Variants in CPQ observed in about 807,000 individuals in gnomAD.
The protein encoded by CPQ is carboxypeptidase Q, also known as Ser-Met dipeptidase.
In CPQ, 37 loss-of-function variants were observed where a neutral mutation model predicts 45.7. The observed-to-expected ratio is 0.81, with a 90% CI of 0.62 to 1.07. The LOEUF is 1.07. CPQ is among the 50% of genes least tolerant of loss of function. CPQ has a pLI of 0.00. For missense variants in CPQ, 537 were observed against 572.9 expected (o/e 0.94, Z 0.64); for synonymous variants, 186 against 205.8 (o/e 0.90, Z 0.82).
At chr8:96,908,703 G>A (rs184650354) in intron 4 of CPQ, among the ~76,000 whole-genome samples, 55 of 150,326 alleles carry the variant, frequency 3.7e-4, no homozygotes, top group African/African-American at 1.2e-3. Flanking sequence ...TGCCTTACTG[G>A]AAAAATTATG....
intron 7 of CPQ, among the ~76,000 whole-genome samples, chr8:97,128,800 T>C (rs1156890444): frequency 6.6e-6 from 1 of 152,200 alleles, no homozygotes; most frequent in African/African-American, 2.4e-5. Context: ...CTGTGGAAAG[T>C]AGAGGTATTC....
intron 4 of CPQ, among the ~76,000 whole-genome samples, chr8:96,935,546 T>G (rs760555974): frequency 7.2e-5 from 11 of 152,166 alleles, no homozygotes; most frequent in African/African-American, 1.2e-4. Context: ...TAAGCTAGTA[T>G]GTGTTCACTC....
chr8:96,784,402 G>T (rs540978015), intron 1 of CPQ, among the ~76,000 whole-genome samples: 1 of 151,478 alleles, frequency 6.6e-6, no homozygotes, highest in Non-Finnish European at 1.5e-5. Flanking sequence ...TCTGAGGTGG[G>T]GGGGGGGTTG....
chr8:96,787,492 A>G (rs1810783758), intron 2 of CPQ, among the ~76,000 whole-genome samples: 2 of 91,408 alleles, frequency 2.2e-5, no homozygotes, highest in African/African-American at 7.5e-5. Context: ...ATCCATAGGG[A>G]TATTGGCTTG....
chr8:96,882,105 C>T (rs1238378569), intron 4 of CPQ, among the ~76,000 whole-genome samples: 1 of 152,144 alleles, frequency 6.6e-6, no homozygotes, highest in Non-Finnish European at 1.5e-5. Flanking sequence ...ACTCAGGACT[C>T]AGGACTTCTC....
At chr8:96,989,049 A>G (rs993865028) in intron 5 of CPQ, among the ~76,000 whole-genome samples, 1 of 152,204 alleles carries the variant, frequency 6.6e-6, no homozygotes, top group African/African-American at 2.4e-5. Context: ...GATGTCTGCA[A>G]GAGTGGCCTC....
chr8:97,059,604 C>A (rs577660588), intron 6 of CPQ, among the ~76,000 whole-genome samples: 1 of 152,120 alleles, frequency 6.6e-6, no homozygotes, highest in Non-Finnish European at 1.5e-5. Flanking sequence ...AGCAGAGGAA[C>A]CTTCTTTACC....
At chr8:96,679,126 G>GT (rs1358088541) in intron 1 of CPQ, among the ~76,000 whole-genome samples, 2 of 151,980 alleles carry the variant, frequency 1.3e-5, no homozygotes, top group African/African-American at 4.8e-5. Context: ...TGGATATTCA[G>GT]TTTTCCCATT....
chr8:97,079,245 A>G (rs1174101813), intron 7 of CPQ, among the ~76,000 whole-genome samples: 1 of 152,326 alleles, frequency 6.6e-6, no homozygotes, highest in South Asian at 2.1e-4. Context: ...TTGGAGTGTC[A>G]TAGTTAGATC....
chr8:96,802,134 C>A (rs1811014036), intron 2 of CPQ, among the ~76,000 whole-genome samples: 1 of 151,824 alleles, frequency 6.6e-6, no homozygotes, highest in African/African-American at 2.4e-5. Flanking sequence ...TTATTTTTGA[C>A]TGTGTCTCTT....
intron 4 of CPQ, among the ~76,000 whole-genome samples, chr8:96,937,679 G>A (rs1813069661): frequency 1.3e-5 from 2 of 152,158 alleles, no homozygotes; most frequent in South Asian, 2.1e-4. Context: ...GGATCCAGCC[G>A]ACAGTCCAGT....
intron 1 of CPQ, among the ~76,000 whole-genome samples, chr8:96,678,381 T>G (rs548269548): frequency 6.6e-6 from 1 of 152,054 alleles, no homozygotes; most frequent in Non-Finnish European, 1.5e-5. Context: ...TGTAGAGATC[T>G]TTTACCTCTT....
chr8:97,077,350 A>G (rs1465184693), intron 7 of CPQ, among the ~76,000 whole-genome samples: 1 of 152,220 alleles, frequency 6.6e-6, no homozygotes, highest in East Asian at 1.9e-4. Context: ...AACTGCTCAC[A>G]TAGAGGTGAT....
At chr8:96,972,537 CA>C (rs548253907) in intron 5 of CPQ, among the ~76,000 whole-genome samples, 502 of 152,292 alleles carry the variant, frequency 3.3e-3, no homozygotes, top group African/African-American at 0.012. Context: ...ACAGCTGATA[CA>C]CTCTTGTCAG....
intron 1 of CPQ, among the ~76,000 whole-genome samples, chr8:96,714,118 C>A (rs1809647094): frequency 6.6e-6 from 1 of 152,202 alleles, no homozygotes; most frequent in African/African-American, 2.4e-5. Context: ...ATGCCTTGGT[C>A]ATGCCCTTTT....
rs544356536 is a variant in CPQ at position 96,948,962 on chromosome 8, C to T, written c.850-16973C>T. On this transcript the variant is annotated intron_variant, in intron 4 of 7. Transcript: ENST00000220763. ...TTTTGTCTAAGGATAGCCACCCATG[C>T]ATTCTTTTGGTTACCATTTGCTTAG... 5.3e-4 allele frequency among the ~76,000 whole-genome samples: 80 copies of T among 152,184 alleles called. 1 individual carries two copies. Among genetic ancestry groups the T allele is most frequent in the African/African-American group, 1.9e-3 (80 of 41,550 alleles).
chr8:96,827,946 A>G lies in CPQ; in HGVS notation c.434-7027A>G, dbSNP rs60947451. Among the ~76,000 whole-genome samples, 325 of 152,246 alleles carry G rather than the reference A, an allele frequency of 2.1e-3. 1 individual carries two copies. The highest frequency in any genetic ancestry group is 7.6e-3 in the African/African-American group (314 of 41,562). ...TTGGCTTGTTTCACTGAAAATATTC[A>G]ACTTAAAATTTTTAGAAATGTCTTA... On this transcript the variant is annotated intron_variant, in intron 2 of 7. Coordinates refer to ENST00000220763, the MANE Select transcript of CPQ (RefSeq NM_016134.4).
At chr8:97,014,783 A>G (rs1224463489) in intron 5 of CPQ, among the ~76,000 whole-genome samples, 1 of 152,204 alleles carries the variant, frequency 6.6e-6, no homozygotes, top group African/African-American at 2.4e-5. Context: ...TTGAGTATAG[A>G]TAACTTCATA....
At chr8:97,103,056 G>A (rs748722878) in intron 7 of CPQ, among the ~76,000 whole-genome samples, 6 of 151,926 alleles carry the variant, frequency 3.9e-5, no homozygotes, top group East Asian at 1.9e-4. Context: ...CCACCATTGC[G>A]TTGTCCTCTT....
Sources: allele counts gnomAD v4.1 joint callset (sites outside exome capture counted in the v4.1 genomes callset), GRCh38; gene constraint gnomAD v4.1.1; transcripts MANE v1.5; gene names NCBI Gene and HGNC (gene_info 2026-07-23, HGNC 2026-07-21).